The following SFXN4 variants were observed in gnomAD, a reference collection of about 807,000 sequenced individuals.
The protein encoded by SFXN4 is sideroflexin 4.
SFXN4 carries 48 observed loss-of-function variants against 54.6 expected under a neutral mutation model. The observed-to-expected ratio is 0.88, with a 90% confidence interval of 0.70 to 1.12. SFXN4 has a LOEUF of 1.12. Among genes scored for constraint, SFXN4 ranks in the 50% most tolerant of loss-of-function variants. SFXN4 has a pLI of 0.00. For missense variants in SFXN4, 383 were observed against 409.2 expected, an observed-to-expected ratio of 0.94 and a Z score of 0.55; for synonymous variants, 130 against 145.5, an observed-to-expected ratio of 0.89 and a Z score of 0.77.
At chr10:119,165,238 TCAGCCACAGCTCAGGCAGTAGGGAG>T in intron 1 of SFXN4, 1 of 1,121,748 alleles carries the variant, frequency 8.9e-7, no homozygotes, top group Non-Finnish European at 1.1e-6. Context: ...AATCTGCTGC[TCAGCCACAGCTCAGGCAGTAGGGAG>T]CAGCCACCTG....
chr10:119,152,771 G>A (rs535236537), intron 11 of SFXN4, among the ~76,000 whole-genome samples: 33 of 151,980 alleles, frequency 2.2e-4, no homozygotes, highest in African/African-American at 7.5e-4. Context: ...GAATAATGAC[G>A]TATTTACCGA....
At chr10:119,165,358 C>A in intron 1 of SFXN4, 179 bp downstream of exon 1, 1 of 1,313,742 alleles carries the variant, frequency 7.6e-7, no homozygotes. Flanking sequence ...CCCCTGCGTC[C>A]CCTGCCGCGC....
Position 119,141,247 on chromosome 10 carries a change from C to A in SFXN4, c.1009G>T (p.Val337Leu), listed in dbSNP as rs374005136. ...EETEIFYHRG[V>L] Reference sequence around the variant, plus strand: ...AATTCACCTAAAACTCACGCCTACACCCCTCTGTGATAAAAGATTTCTGTT... The same window carrying A: ...AATTCACCTAAAACTCACGCCTACAACCCTCTGTGATAAAAGATTTCTGTT... The change falls in exon 14 of 14, where the codon GTG becomes TTG. Residue 337 changes from valine (V) to leucine (L), a missense_variant. Physicochemically the swap from Val to Leu is conservative, Grantham distance 32. Transcript: ENST00000355697. The A allele has an allele frequency of 6.2e-7, 1 of 1,610,862 alleles. No individual in the cohort carries two copies. Among genetic ancestry groups the A allele is most frequent in the Non-Finnish European group, 8.5e-7 (1 of 1,177,112 alleles).
chr10:119,165,309 G>A, intron 1 of SFXN4: 2 of 1,262,390 alleles, frequency 1.6e-6, no homozygotes, highest in African/African-American at 1.6e-5. Context: ...CAATCTGGAG[G>A]GTGACGTTGT....
intron 6 of SFXN4, chr10:119,158,265 C>A: frequency 1.7e-6 from 1 of 596,318 alleles, no homozygotes; most frequent in Non-Finnish European, 3.0e-6. Flanking sequence ...GCTCTAAGGA[C>A]ATCCAGGGTC....
chr10:119,161,667 C>G (rs1847553560), intron 3 of SFXN4, among the ~76,000 whole-genome samples: 1 of 152,168 alleles, frequency 6.6e-6, no homozygotes, highest in African/African-American at 2.4e-5. Context: ...TTAAAAAGTC[C>G]TGTCTCTACC....
intron 1 of SFXN4, 70 bp from the exon 2 acceptor site, chr10:119,164,266 G>A (rs931954903): frequency 1.2e-5 from 8 of 676,836 alleles, no homozygotes; most frequent in Non-Finnish European, 1.5e-5. Flanking sequence ...ACTAACAGTT[G>A]GCTTTTTTTT....
At chr10:119,161,437 C>CCAAAAAAAAAAAAAAAAAACAAA (rs61268542) in intron 3 of SFXN4, among the ~76,000 whole-genome samples, 1 of 119,838 alleles carries the variant, frequency 8.3e-6, no homozygotes. Flanking sequence ...CAAAAAAAAA[C>CCAAAAAAAAAAAAAAAAAACAAA]AAAAAAAAAA....
rs901398319 is a variant in SFXN4 at position 119,147,946 on chromosome 10, A to G, written c.733-86T>C. 5 of 998,242 alleles carry G rather than the reference A, an allele frequency of 5.0e-6. No individual in the cohort carries two copies. The African/African-American group carries it at 8.0e-5, about 16-fold the overall frequency. The allele number at this position is 998,242 out of a possible 1,614,324, so 61.8% of individuals were successfully genotyped here. A position where few individuals can be genotyped will look rare whatever the true frequency, so the allele number is the denominator to read the frequency against. ...TGCACTTTGGGAGGCCGAGGCGGGTAGATCGCTTGAGGTCAGTAGTTTGAG... is the reference window on the plus strand; with the variant it reads ...TGCACTTTGGGAGGCCGAGGCGGGTGGATCGCTTGAGGTCAGTAGTTTGAG... On this transcript the variant is annotated intron_variant, in intron 11 of 13. Coordinates refer to ENST00000355697, the MANE Select transcript of SFXN4 (RefSeq NM_213649.2).
chr10:119,143,979 A>G (rs923470926), intron 13 of SFXN4, among the ~76,000 whole-genome samples: 1 of 152,202 alleles, frequency 6.6e-6, no homozygotes, highest in African/African-American at 2.4e-5. Flanking sequence ...AGTAATAGGC[A>G]TAACTATCTA....
intron 11 of SFXN4, among the ~76,000 whole-genome samples, chr10:119,154,149 G>T (rs2133599300): frequency 6.6e-6 from 1 of 151,094 alleles, no homozygotes; most frequent in East Asian, 2.0e-4. Context: ...TTGCACTCCA[G>T]CCTGGGTGAC....
chr10:119,157,853 G>A lies in SFXN4; in HGVS notation c.471+18C>T, dbSNP rs1160667350. 4 of 1,613,730 alleles carry A rather than the reference G, an allele frequency of 2.5e-6. No homozygotes were observed. The African/African-American group carries it at 4.0e-5, about 16-fold the overall frequency. Reference sequence around the variant, plus strand: ...AATAACACAAAACCCCACACTCTCTGGGTCTCATAATACTCACGTAACTTC... The same window carrying A: ...AATAACACAAAACCCCACACTCTCTAGGTCTCATAATACTCACGTAACTTC... On this transcript the variant is annotated intron_variant, in intron 8 of 13. Transcript: ENST00000355697.
intron 9 of SFXN4, among the ~76,000 whole-genome samples, chr10:119,157,315 C>T (rs1266278165): frequency 6.6e-6 from 1 of 151,420 alleles, no homozygotes; most frequent in Non-Finnish European, 1.5e-5. Flanking sequence ...CCTGTAGTCC[C>T]GGCTACTCGG....
intron 11 of SFXN4, among the ~76,000 whole-genome samples, chr10:119,152,074 G>C (rs925170806): frequency 6.6e-6 from 1 of 151,798 alleles, no homozygotes; most frequent in African/African-American, 2.4e-5. Flanking sequence ...CTCCCAAAGT[G>C]TTGGGATTAC....
chr10:119,155,796 G>C (rs1437423068), intron 10 of SFXN4, among the ~76,000 whole-genome samples: 2 of 151,960 alleles, frequency 1.3e-5, no homozygotes, highest in East Asian at 3.9e-4. Flanking sequence ...CCCGGCCAAA[G>C]TTGTAAGGTT....
At chr10:119,155,320 T>C in intron 10 of SFXN4, 143 bp from the exon 11 acceptor site, 2 of 623,608 alleles carry the variant, frequency 3.2e-6, no homozygotes, top group Non-Finnish European at 5.9e-6. Flanking sequence ...ACACCTGCCA[T>C]AGGCTGGGCC....
intron 12 of SFXN4, 61 bp from the exon 13 acceptor site, chr10:119,146,414 C>G: frequency 1.0e-6 from 1 of 985,940 alleles, no homozygotes. Flanking sequence ...ATTTTCTGAA[C>G]AGCTGAATCA....
chr10:119,154,871 T>C (rs1242810105), intron 11 of SFXN4, among the ~76,000 whole-genome samples, 191 bp downstream of exon 11: 1 of 145,568 alleles, frequency 6.9e-6, no homozygotes, highest in Non-Finnish European at 1.5e-5. Flanking sequence ...ATTGGTTCTG[T>C]TTCTCCAGAG....
intron 9 of SFXN4, among the ~76,000 whole-genome samples, chr10:119,157,348 T>C (rs1157931494): frequency 6.6e-6 from 1 of 151,112 alleles, no homozygotes; most frequent in African/African-American, 2.4e-5. Flanking sequence ...GGAGAATCAC[T>C]TGAACCCAGG....
Sources: allele counts gnomAD v4.1 joint callset (sites outside exome capture counted in the v4.1 genomes callset), GRCh38; gene constraint gnomAD v4.1.1; transcripts MANE v1.5; gene names NCBI Gene and HGNC (gene_info 2026-07-23, HGNC 2026-07-21).